Variants in BTBD9 observed in about 807,000 individuals in gnomAD.
BTBD9 encodes the protein BTB domain containing 9.
BTBD9 carries 49 observed loss-of-function variants against 64.3 expected under a neutral mutation model. The ratio of observed to expected loss-of-function variants is 0.76; its 90% CI spans 0.61 to 0.97. BTBD9 has a LOEUF of 0.97. Among genes scored for constraint, BTBD9 ranks in the 50% least tolerant of loss-of-function variants. The probability of loss-of-function intolerance (pLI) is 0.00; values close to 1 mark genes in which losing one functional copy is unlikely to be tolerated. For synonymous variants in BTBD9, 260 were observed against 274.7 expected (o/e 0.95, Z 0.53); for missense variants, 598 against 762.1 (o/e 0.78, Z 2.53).
intron 6 of BTBD9, among the ~76,000 whole-genome samples, chr6:38,357,285 T>A (rs1402484541): frequency 6.6e-6 from 1 of 152,194 alleles, no homozygotes; most frequent in Non-Finnish European, 1.5e-5. Context: ...CCTTTGAGAA[T>A]TCAGTAGCTT....
intron 6 of BTBD9, among the ~76,000 whole-genome samples, chr6:38,445,780 A>G (rs1769249802): frequency 6.6e-6 from 1 of 152,220 alleles, no homozygotes; most frequent in African/African-American, 2.4e-5. Context: ...TTACAATTCC[A>G]GAAGACATTT....
intron 1 of BTBD9, among the ~76,000 whole-genome samples, chr6:38,630,361 G>A (rs1778321731): frequency 6.6e-6 from 1 of 152,158 alleles, no homozygotes; most frequent in South Asian, 2.1e-4. Context: ...GATAATTGAT[G>A]AAATATGAAT....
intron 4 of BTBD9, among the ~76,000 whole-genome samples, chr6:38,590,270 T>C (rs1776737879): frequency 1.3e-5 from 2 of 152,210 alleles, no homozygotes; most frequent in African/African-American, 4.8e-5. Context: ...AAACACATCA[T>C]AATGATATAT....
chr6:38,566,310 TAAA>T (rs1775513836), intron 6 of BTBD9, among the ~76,000 whole-genome samples: 3 of 150,452 alleles, frequency 2.0e-5, no homozygotes, highest in African/African-American at 7.3e-5. Flanking sequence ...TGAAAAATCT[TAAA>T]GAAGTCAAGT....
At chr6:38,375,724 G>A (rs116114371) in intron 6 of BTBD9, among the ~76,000 whole-genome samples, 63 of 152,188 alleles carry the variant, frequency 4.1e-4, no homozygotes, top group Admixed American at 1.6e-3. Flanking sequence ...GTTTGGTTGC[G>A]AAGGATAAAC....
At chr6:38,223,134 T>C (rs1763273846) in intron 9 of BTBD9, among the ~76,000 whole-genome samples, 1 of 152,116 alleles carries the variant, frequency 6.6e-6, no homozygotes, top group African/African-American at 2.4e-5. Context: ...CTTGAACTCC[T>C]GACCTCAGGT....
chr6:38,321,653 C>G (rs1303284983), intron 7 of BTBD9, among the ~76,000 whole-genome samples: 2 of 152,098 alleles, frequency 1.3e-5, no homozygotes, highest in African/African-American at 4.8e-5. Context: ...GTTTTTAACA[C>G]TAAATATTAG....
intron 6 of BTBD9, among the ~76,000 whole-genome samples, chr6:38,374,207 C>T (rs1397124911): frequency 1.4e-5 from 2 of 143,898 alleles, no homozygotes; most frequent in Non-Finnish European, 3.0e-5. Context: ...AGGTAAAGGT[C>T]GCAGTGAGCC....
At position 38,295,777 on chromosome 6, in the gene BTBD9, G is replaced by A. The variant is rs193181184; in HGVS notation, c.1265-7316C>T. ...TCTGTATTCTGAGGCTGGATATGGTGGCTCATGCCTGTAATAATCCCAGCT... is the reference window on the plus strand; with the variant it reads ...TCTGTATTCTGAGGCTGGATATGGTAGCTCATGCCTGTAATAATCCCAGCT... On this transcript the variant is annotated intron_variant, in intron 7 of 10. Coordinates refer to ENST00000481247, the MANE Select transcript of BTBD9 (RefSeq NM_001099272.2). Among the ~76,000 whole-genome samples the A allele has an allele frequency of 2.0e-5, 3 of 152,238 alleles. No individual in the cohort carries two copies. In the East Asian group the frequency reaches 5.8e-4, roughly 29 times the overall value.
intron 6 of BTBD9, among the ~76,000 whole-genome samples, chr6:38,459,554 T>C (rs1769978773): frequency 1.3e-5 from 2 of 152,186 alleles, no homozygotes; most frequent in Admixed American, 6.5e-5. Context: ...AGTACAGCTA[T>C]AAGAGGATAG....
At position 38,397,950 on chromosome 6, in the gene BTBD9, G is replaced by A. The variant is rs146676132; in HGVS notation, c.1155-52857C>T. ...AGGTTTACCGAAGGAGCAGGAGTGC[G>A]GTACTATTGGAATATATAATAGAGT... is the stretch of plus-strand genomic sequence containing the variant. On this transcript the variant is annotated intron_variant, in intron 6 of 10. Transcript: ENST00000481247. 1.1e-4 allele frequency among the ~76,000 whole-genome samples: 16 copies of A among 152,256 alleles called. No individual in the cohort carries two copies. The East Asian group carries it at 1.3e-3, about 13-fold the overall frequency.
intron 9 of BTBD9, among the ~76,000 whole-genome samples, chr6:38,230,708 G>T (rs1230566174): frequency 6.6e-6 from 1 of 152,030 alleles, no homozygotes; most frequent in Non-Finnish European, 1.5e-5. Flanking sequence ...CCATCCTTCT[G>T]TTCTGCACAC....
At chr6:38,635,712 C>T (rs976695990) in intron 1 of BTBD9, among the ~76,000 whole-genome samples, 5 of 152,208 alleles carry the variant, frequency 3.3e-5, no homozygotes, top group African/African-American at 1.2e-4. Context: ...TCACCAGATA[C>T]TGGCACATTG....
chr6:38,534,783 C>T (rs1414310718), intron 6 of BTBD9, among the ~76,000 whole-genome samples: 1 of 152,104 alleles, frequency 6.6e-6, no homozygotes, highest in Non-Finnish European at 1.5e-5. Flanking sequence ...ATGATCATCT[C>T]AATTGATGCT....
intron 6 of BTBD9, among the ~76,000 whole-genome samples, chr6:38,549,957 T>G (rs1330826587): frequency 6.6e-6 from 1 of 152,124 alleles, no homozygotes; most frequent in Non-Finnish European, 1.5e-5. Flanking sequence ...CTGCTTGGCT[T>G]TCAAGAAACT....
At position 38,169,825 on chromosome 6, in the gene BTBD9, A is replaced by G. The variant is rs1766679717; in HGVS notation, c.*5160T>C. 1 of 148,640 alleles carries G rather than the reference A, an allele frequency of 6.7e-6. No individual in the cohort carries two copies. The highest frequency in any genetic ancestry group is 1.5e-5 in the Non-Finnish European group (1 of 67,478). The allele number at this position is 148,640 out of a possible 1,614,324, so 9.2% of individuals were successfully genotyped here. On this transcript the variant is annotated 3_prime_UTR_variant, in exon 11 of 11. Coordinates refer to ENST00000481247, the MANE Select transcript of BTBD9 (RefSeq NM_001099272.2). ...ACGCAAATGGTAAATGCTCCCAGACATTTATCATAAATTACAGGTGGATGA... is the reference window on the plus strand; with the variant it reads ...ACGCAAATGGTAAATGCTCCCAGACGTTTATCATAAATTACAGGTGGATGA...
chr6:38,231,107 T>C (rs890990988), intron 9 of BTBD9, among the ~76,000 whole-genome samples: 6 of 152,250 alleles, frequency 3.9e-5, no homozygotes, highest in Non-Finnish European at 7.3e-5. Context: ...GTGAGAATTA[T>C]AGAATTGGGA....
intron 9 of BTBD9, among the ~76,000 whole-genome samples, chr6:38,246,177 C>G (rs9462417): frequency 0.02 from 2,991 of 152,282 alleles, 88 homozygotes; most frequent in African/African-American, 0.061. Context: ...CTACTTTCCA[C>G]ATGCCTCCCA....
intron 8 of BTBD9, among the ~76,000 whole-genome samples, chr6:38,266,666 G>T (rs59523749): frequency 6.3e-5 from 6 of 94,960 alleles, no homozygotes; most frequent in Non-Finnish European, 1.3e-4. Flanking sequence ...AAGAAAGAAA[G>T]AAAGAAAGAA....
Sources: allele counts gnomAD v4.1 joint callset (sites outside exome capture counted in the v4.1 genomes callset), GRCh38; gene constraint gnomAD v4.1.1; transcripts MANE v1.5; gene names NCBI Gene and HGNC (gene_info 2026-07-23, HGNC 2026-07-21).